Variants in PBX1 observed in about 807,000 individuals in gnomAD.
The protein encoded by PBX1 is PBX homeobox 1, also known as pre-B-cell leukemia transcription factor 1.
Under a neutral mutation model 53.4 loss-of-function variants are expected in PBX1, and 6 were observed. The observed-to-expected ratio is 0.11, with a 90% CI of 0.06 to 0.22. The LOEUF is 0.22. Among genes scored for constraint, PBX1 ranks in the 10% least tolerant of loss-of-function variants. The probability of loss-of-function intolerance (pLI) is 1.00; values close to 1 mark genes in which losing one functional copy is unlikely to be tolerated. For synonymous variants in PBX1, 204 were observed against 212.3 expected, an observed-to-expected ratio of 0.96 and a Z score of 0.34; for missense variants, 251 against 551.4, an observed-to-expected ratio of 0.46 and a Z score of 5.46.
At chr1:164,691,662 G>A (rs1006347918) in intron 2 of PBX1, among the ~76,000 whole-genome samples, 4 of 152,148 alleles carry the variant, frequency 2.6e-5, no homozygotes, top group African/African-American at 7.2e-5. Flanking sequence ...TTTCTCAAGC[G>A]CTGGTAGAAA....
chr1:164,829,283 A>G (rs943440213), intron 8 of PBX1: 3 of 152,226 alleles, frequency 2.0e-5, no homozygotes, highest in East Asian at 1.9e-4. Flanking sequence ...TCATACTCCT[A>G]TCAACTATAA....
At chr1:164,603,861 A>G (rs960647866) in intron 2 of PBX1, among the ~76,000 whole-genome samples, 1 of 150,592 alleles carries the variant, frequency 6.6e-6, no homozygotes, top group Admixed American at 6.6e-5. Flanking sequence ...ATAATAACAG[A>G]TAATAATTTT....
intron 2 of PBX1, among the ~76,000 whole-genome samples, chr1:164,570,350 C>T (rs544267258): frequency 1.4e-4 from 21 of 152,232 alleles, no homozygotes; most frequent in Admixed American, 3.9e-4. Flanking sequence ...TAATGCTCTC[C>T]GTCCCCTTGT....
Position 164,872,498 on chromosome 1 carries a change from G to A in PBX1, n.258-26690G>A, listed in dbSNP as rs78283900. ...TGTTTTTTGCTCTGATGGGGTTTACGTCTTCTCCCTATCCTGATTTTGTGT... is the reference window on the plus strand; with the variant it reads ...TGTTTTTTGCTCTGATGGGGTTTACATCTTCTCCCTATCCTGATTTTGTGT... On this transcript the variant is annotated intron_variant and non_coding_transcript_variant, in intron 2 of 2. Coordinates refer to the PBX1 transcript ENST00000558796. Among the ~76,000 whole-genome samples, 565 of 152,240 alleles carry A rather than the reference G, an allele frequency of 3.7e-3. 4 individuals are homozygous for A. The highest frequency in any genetic ancestry group is 0.013 in the African/African-American group (544 of 41,546).
At chr1:164,676,397 A>G (rs753518725) in intron 2 of PBX1, among the ~76,000 whole-genome samples, 3 of 152,146 alleles carry the variant, frequency 2.0e-5, no homozygotes, top group Non-Finnish European at 4.4e-5. Flanking sequence ...GTGTGAAAGT[A>G]AAACCAAATC....
chr1:164,645,774 A>C (rs920169264), intron 2 of PBX1, among the ~76,000 whole-genome samples: 6 of 152,250 alleles, frequency 3.9e-5, no homozygotes, highest in Non-Finnish European at 7.3e-5. Flanking sequence ...TATACTGGGC[A>C]GAAATGACAA....
At chr1:164,599,160 T>C (rs1210341749) in intron 2 of PBX1, among the ~76,000 whole-genome samples, 1 of 149,776 alleles carries the variant, frequency 6.7e-6, no homozygotes, top group Admixed American at 6.7e-5. Flanking sequence ...TCCCAATAGA[T>C]CTCATGTCTA....
chr1:164,609,495 C>G (rs1395810812), intron 2 of PBX1, among the ~76,000 whole-genome samples: 1 of 152,064 alleles, frequency 6.6e-6, no homozygotes. Flanking sequence ...GTCGCCACAC[C>G]CTTCTTTCCC....
At chr1:164,803,745 T>G (rs1669200182) in intron 4 of PBX1, among the ~76,000 whole-genome samples, 1 of 152,160 alleles carries the variant, frequency 6.6e-6, no homozygotes, top group African/African-American at 2.4e-5. Flanking sequence ...GATTTTGAAT[T>G]TATCCTATTA....
At chr1:164,807,491 T>G in intron 4 of PBX1, 51 bp from the exon 5 acceptor site, 1 of 1,576,762 alleles carries the variant, frequency 6.3e-7, no homozygotes, top group Non-Finnish European at 8.6e-7. Context: ...TCCCATTTTA[T>G]ATTTATTTGG....
intron 2 of PBX1, among the ~76,000 whole-genome samples, chr1:164,588,473 CTTTTTTTTTTTTTT>C (rs371768861): frequency 2.1e-4 from 15 of 73,048 alleles, no homozygotes; most frequent in Non-Finnish European, 3.7e-4. Flanking sequence ...CCGGACTAAG[CTTTTTTTTTTTTTT>C]TTTTTTTTTT....
intron 2 of PBX1, among the ~76,000 whole-genome samples, chr1:164,879,728 A>G (rs183624339): frequency 6.6e-6 from 1 of 152,366 alleles, no homozygotes; most frequent in East Asian, 1.9e-4. Flanking sequence ...TACTAAAGTA[A>G]TGGGAGTGGA....
intron 2 of PBX1, among the ~76,000 whole-genome samples, chr1:164,679,448 G>T (rs536662515): frequency 1.3e-5 from 2 of 152,166 alleles, no homozygotes; most frequent in African/African-American, 4.8e-5. Flanking sequence ...TTATGATGCA[G>T]TGGAAAGGCT....
chr1:164,572,197 G>T (rs1018681480), intron 2 of PBX1, among the ~76,000 whole-genome samples: 1 of 151,794 alleles, frequency 6.6e-6, no homozygotes, highest in Non-Finnish European at 1.5e-5. Flanking sequence ...GTGAGGCACC[G>T]CGCCCAGCCT....
intron 2 of PBX1, chr1:164,564,119 G>T (rs1245751974): frequency 6.6e-6 from 1 of 152,078 alleles, no homozygotes; most frequent in Admixed American, 6.5e-5. Flanking sequence ...GCTCTCCCTT[G>T]TAAGAAGAAA....
intron 2 of PBX1, among the ~76,000 whole-genome samples, chr1:164,859,247 G>A (rs1672041169): frequency 6.6e-6 from 1 of 152,134 alleles, no homozygotes; most frequent in Non-Finnish European, 1.5e-5. Context: ...TTCTGTCCAG[G>A]CTGGCCTGGA....
chr1:164,707,418 T>TGTGTGTGTGAGAGAGAGAGAGAGA (rs58617739), intron 2 of PBX1, among the ~76,000 whole-genome samples: 1 of 118,214 alleles, frequency 8.5e-6, no homozygotes, highest in African/African-American at 3.8e-5. Context: ...TGTGTGTGTG[T>TGTGTGTGTGAGAGAGAGAGAGAGA]GAGAGAGAGA....
chr1:164,745,418 A>G (rs1272023616), intron 2 of PBX1, among the ~76,000 whole-genome samples: 1 of 152,204 alleles, frequency 6.6e-6, no homozygotes, highest in African/African-American at 2.4e-5. Context: ...CTACCCTTAT[A>G]AAATTGGGTT....
At chr1:164,738,346 C>A (rs1665413609) in intron 2 of PBX1, among the ~76,000 whole-genome samples, 1 of 152,168 alleles carries the variant, frequency 6.6e-6, no homozygotes, top group South Asian at 2.1e-4. Context: ...TGCAGTGATA[C>A]AATCCTCTAG....
Sources: allele counts gnomAD v4.1 joint callset (sites outside exome capture counted in the v4.1 genomes callset), GRCh38; gene constraint gnomAD v4.1.1; transcripts MANE v1.5; gene names NCBI Gene and HGNC (gene_info 2026-07-23, HGNC 2026-07-21).